The following ACTR3C variants were observed in gnomAD, a reference collection of about 807,000 sequenced individuals.
ACTR3C encodes the protein actin related protein 3C.
ACTR3C carries 18 observed loss-of-function variants against 26.3 expected under a neutral mutation model. The ratio of observed to expected loss-of-function variants is 0.68; its 90% CI spans 0.47 to 1.01. The LOEUF (loss-of-function observed/expected upper bound fraction) is 1.01. Among genes scored for constraint, ACTR3C ranks in the 50% least tolerant of loss-of-function variants. The probability of loss-of-function intolerance (pLI) is 0.00; values close to 1 mark genes in which losing one functional copy is unlikely to be tolerated. For synonymous variants in ACTR3C, 55 were observed against 94.5 expected, an observed-to-expected ratio of 0.58 and a Z score of 2.42; for missense variants, 184 against 250.7, an observed-to-expected ratio of 0.73 and a Z score of 1.80.
chr7:150,245,343 T>C (rs1163878918), downstream of ACTR3C: 3 of 152,186 alleles, frequency 2.0e-5, no homozygotes, highest in Non-Finnish European at 2.9e-5. Flanking sequence ...TGGTTTATTA[T>C]GACAAAGATT....
chr7:149,970,584 T>C, the ACTR3C span, among the ~76,000 whole-genome samples: 2 of 152,150 alleles, frequency 1.3e-5, no homozygotes, highest in Admixed American at 1.3e-4. Flanking sequence ...ATGACCCCAT[T>C]TGGATAAAAA....
At chr7:150,083,232 C>T in the ACTR3C span, among the ~76,000 whole-genome samples, 4 of 151,724 alleles carry the variant, frequency 2.6e-5, no homozygotes, top group African/African-American at 9.7e-5. Context: ...AAGTGTGAGC[C>T]ACCATGCCCA....
At chr7:150,068,571 G>A in the ACTR3C span, among the ~76,000 whole-genome samples, 4 of 151,212 alleles carry the variant, frequency 2.6e-5, no homozygotes, top group Admixed American at 6.6e-5. Flanking sequence ...TCAGGAGATC[G>A]AGACCATCCA....
At chr7:150,224,101 T>C in the ACTR3C span, among the ~76,000 whole-genome samples, 1 of 152,196 alleles carries the variant, frequency 6.6e-6, no homozygotes, top group Non-Finnish European at 1.5e-5. Context: ...ATCACAATCA[T>C]GTATAACCTG....
the ACTR3C span, among the ~76,000 whole-genome samples, chr7:149,931,267 G>C: frequency 6.6e-6 from 1 of 152,248 alleles, no homozygotes; most frequent in Non-Finnish European, 1.5e-5. Context: ...ATTTTCAAAA[G>C]TTCTTCGGGG....
chr7:150,232,925 T>C, the ACTR3C span, among the ~76,000 whole-genome samples: 109 of 152,306 alleles, frequency 7.2e-4, no homozygotes, highest in South Asian at 2.3e-3. Context: ...GCCACCATCA[T>C]TGCTGTCATT....
At chr7:150,037,135 C>T in the ACTR3C span, among the ~76,000 whole-genome samples, 3 of 80,576 alleles carry the variant, frequency 3.7e-5, no homozygotes, top group African/African-American at 1.4e-4. Context: ...GCTCTCAGTC[C>T]CTGCCTCGTG....
the ACTR3C span, among the ~76,000 whole-genome samples, chr7:150,140,251 A>G: frequency 0.013 from 2,005 of 152,312 alleles, 46 homozygotes; most frequent in African/African-American, 0.046. Flanking sequence ...TGAAGAGCGC[A>G]TTCCTACAGC....
intron 6 of ACTR3C, among the ~76,000 whole-genome samples, chr7:150,275,627 C>T (rs932807381): frequency 1.3e-5 from 2 of 151,800 alleles, no homozygotes; most frequent in African/African-American, 2.4e-5. Context: ...TGGAGAATTG[C>T]TTGAATCCAG....
At chr7:150,302,035 A>T (rs1343283070) in intron 1 of ACTR3C, among the ~76,000 whole-genome samples, 1 of 151,954 alleles carries the variant, frequency 6.6e-6, no homozygotes, top group Non-Finnish European at 1.5e-5. Flanking sequence ...ATTTTAGAAT[A>T]AAAAAAAGTT....
the ACTR3C span, among the ~76,000 whole-genome samples, chr7:150,197,761 A>G: frequency 3.9e-5 from 6 of 152,084 alleles, no homozygotes; most frequent in Middle Eastern, 3.4e-3. Flanking sequence ...TTTCTTCCCT[A>G]TGTTAGTAAA....
the ACTR3C span, among the ~76,000 whole-genome samples, chr7:149,999,876 T>A: frequency 1.3e-5 from 2 of 152,088 alleles, no homozygotes; most frequent in Admixed American, 6.5e-5. Context: ...TACACAACCA[T>A]AACTACTAAT....
chr7:150,035,578 G>A, the ACTR3C span, among the ~76,000 whole-genome samples: 5 of 134,080 alleles, frequency 3.7e-5, no homozygotes, highest in East Asian at 2.1e-4. Flanking sequence ...GGGGGAAGAG[G>A]GACTGGCTCT....
chr7:150,193,408 CT>C, the ACTR3C span, among the ~76,000 whole-genome samples: 6,368 of 133,380 alleles, frequency 0.048, 174 homozygotes, highest in African/African-American at 0.094. Flanking sequence ...TTTTTATTTT[CT>C]TTTTTTTTTT....
intron 6 of ACTR3C, among the ~76,000 whole-genome samples, chr7:150,270,534 C>T (rs570891050): frequency 2.0e-5 from 3 of 149,644 alleles, no homozygotes; most frequent in East Asian, 4.0e-4. Context: ...TAGAAGCTCT[C>T]GGTCACGTGG....
the ACTR3C span, among the ~76,000 whole-genome samples, chr7:150,149,089 A>G: frequency 0.061 from 1,093 of 17,920 alleles, 59 homozygotes; most frequent in Middle Eastern, 0.1. Context: ...GTATATATAT[A>G]TATATATATA....
chr7:149,936,898 T>C, the ACTR3C span, among the ~76,000 whole-genome samples: 2 of 151,566 alleles, frequency 1.3e-5, no homozygotes, highest in African/African-American at 2.4e-5. Flanking sequence ...CAAGGGATCC[T>C]CCACCTCAGC....
intron 5 of ACTR3C, among the ~76,000 whole-genome samples, chr7:150,285,588 T>C (rs1301115396): frequency 2.6e-5 from 4 of 152,362 alleles, no homozygotes; most frequent in Non-Finnish European, 5.9e-5. Flanking sequence ...ATTCACTAGA[T>C]TATCATTGTT....
chr7:150,028,640 C>G, the ACTR3C span, among the ~76,000 whole-genome samples: 1 of 152,266 alleles, frequency 6.6e-6, no homozygotes, highest in Middle Eastern at 3.2e-3. Flanking sequence ...ACCTGACACT[C>G]AGCAGCTGCT....
Sources: allele counts gnomAD v4.1 joint callset (sites outside exome capture counted in the v4.1 genomes callset), GRCh38; gene constraint gnomAD v4.1.1; transcripts MANE v1.5; gene names NCBI Gene and HGNC (gene_info 2026-07-23, HGNC 2026-07-21).